Variants in PPFIA2 observed in about 807,000 individuals in gnomAD.
PPFIA2 encodes the protein PPFI scaffold protein A2.
A neutral mutation model predicts 175.5 loss-of-function variants in PPFIA2; 46 were observed. That is an observed-to-expected ratio of 0.26 (90% CI 0.21 to 0.34). The LOEUF is 0.34. Ranked by LOEUF, PPFIA2 falls within the 10% of genes least tolerant of loss-of-function variation. The probability of loss-of-function intolerance (pLI) is 1.00; values close to 1 mark genes in which losing one functional copy is unlikely to be tolerated. For missense variants in PPFIA2, 1,179 were observed against 1,506.1 expected, an observed-to-expected ratio of 0.78 and a Z score of 3.60; for synonymous variants, 568 against 511.4, an observed-to-expected ratio of 1.11 and a Z score of -1.49.
At chr12:81,655,629 A>C (rs2067676400) in intron 4 of PPFIA2, among the ~76,000 whole-genome samples, 1 of 151,914 alleles carries the variant, frequency 6.6e-6, no homozygotes, top group Non-Finnish European at 1.5e-5. Flanking sequence ...TTTCATGTTT[A>C]GTGTTAACTA....
At chr12:81,662,954 CAT>C (rs1317486200) in intron 4 of PPFIA2, among the ~76,000 whole-genome samples, 1 of 152,172 alleles carries the variant, frequency 6.6e-6, no homozygotes, top group South Asian at 2.1e-4. Context: ...ACAAAAACCA[CAT>C]GATTATCTCA....
chr12:81,360,167 T>C (rs1485074169), intron 15 of PPFIA2, among the ~76,000 whole-genome samples: 1 of 151,912 alleles, frequency 6.6e-6, no homozygotes, highest in East Asian at 1.9e-4. Context: ...ATCTCTCTCC[T>C]CTTTTTTCCA....
intron 4 of PPFIA2, among the ~76,000 whole-genome samples, chr12:81,605,418 G>A (rs2060189767): frequency 6.6e-6 from 1 of 151,728 alleles, no homozygotes; most frequent in Non-Finnish European, 1.5e-5. Context: ...AGAGAGAAAA[G>A]GGAGAGGAGA....
chr12:81,534,752 A>T (rs970356652), intron 4 of PPFIA2, among the ~76,000 whole-genome samples: 14 of 151,766 alleles, frequency 9.2e-5, no homozygotes, highest in African/African-American at 3.4e-4. Context: ...AAGTGAGAGC[A>T]GATAAAGTAA....
At chr12:81,474,644 A>G (rs1003286244) in intron 4 of PPFIA2, among the ~76,000 whole-genome samples, 1 of 152,190 alleles carries the variant, frequency 6.6e-6, no homozygotes, top group Non-Finnish European at 1.5e-5. Flanking sequence ...TTGTAAATAC[A>G]TACTAGCACC....
intron 21 of PPFIA2, among the ~76,000 whole-genome samples, chr12:81,329,086 G>A (rs1403134659): frequency 6.6e-6 from 1 of 152,022 alleles, no homozygotes; most frequent in Non-Finnish European, 1.5e-5. Flanking sequence ...TTACAGATGT[G>A]AGCCACCATG....
At chr12:81,696,690 T>G (rs2075932950) in intron 3 of PPFIA2, among the ~76,000 whole-genome samples, 1 of 152,102 alleles carries the variant, frequency 6.6e-6, no homozygotes, top group South Asian at 2.1e-4. Flanking sequence ...TGCTATGTTT[T>G]CAGTTGTTCA....
chr12:81,652,084 A>G (rs1286452024), intron 4 of PPFIA2, among the ~76,000 whole-genome samples: 1 of 151,512 alleles, frequency 6.6e-6, no homozygotes, highest in Non-Finnish European at 1.5e-5. Flanking sequence ...GATCTTTTCT[A>G]GTTCTACATT....
In PPFIA2 at chr12:81,731,465, C is replaced by G. The variant is rs377550720; in HGVS notation, c.249+22508G>C. ...TTCAGTGGGTTAAGGTAACTTGAAA[C>G]CCAAACTTCAAACATTGCGAGCAAA... On this transcript the variant is annotated intron_variant, in intron 3 of 32. Transcript: ENST00000549396. 5.9e-5 allele frequency among the ~76,000 whole-genome samples: 9 copies of G among 151,648 alleles called. No individual in the cohort carries two copies. In the East Asian group the frequency reaches 1.4e-3, roughly 23 times the overall value.
intron 4 of PPFIA2, among the ~76,000 whole-genome samples, chr12:81,531,651 T>C (rs1356640907): frequency 2.0e-5 from 3 of 151,166 alleles, no homozygotes; most frequent in Admixed American, 1.3e-4. Context: ...AGATACGAGA[T>C]AGAACGGAAG....
chr12:81,313,156 A>G (rs1267484364), intron 22 of PPFIA2, among the ~76,000 whole-genome samples: 1 of 152,134 alleles, frequency 6.6e-6, no homozygotes, highest in Non-Finnish European at 1.5e-5. Flanking sequence ...GGCATTGAGA[A>G]AATATGGAAG....
intron 4 of PPFIA2, among the ~76,000 whole-genome samples, chr12:81,588,395 C>G (rs1219236974): frequency 1.3e-5 from 2 of 151,906 alleles, no homozygotes; most frequent in Non-Finnish European, 2.9e-5. Flanking sequence ...TCCAGCCCCA[C>G]CCTACTCCCA....
chr12:81,502,929 C>T (rs972605900), intron 4 of PPFIA2, among the ~76,000 whole-genome samples: 6 of 152,044 alleles, frequency 3.9e-5, no homozygotes, highest in African/African-American at 1.2e-4. Flanking sequence ...TGGAATGCCT[C>T]CTCTAGGACA....
chr12:81,548,796 G>T (rs1408332342), intron 4 of PPFIA2, among the ~76,000 whole-genome samples: 1 of 152,010 alleles, frequency 6.6e-6, no homozygotes, highest in Non-Finnish European at 1.5e-5. Context: ...AAATCCAAAA[G>T]AATGCAACAC....
At chr12:81,355,782 T>C (rs1462199515) in intron 16 of PPFIA2, among the ~76,000 whole-genome samples, 2 of 152,224 alleles carry the variant, frequency 1.3e-5, no homozygotes, top group Non-Finnish European at 2.9e-5. Flanking sequence ...TCAGTCTTCA[T>C]ATAAATGAGG....
At chr12:81,547,009 C>A (rs999594296) in intron 4 of PPFIA2, among the ~76,000 whole-genome samples, 1 of 152,012 alleles carries the variant, frequency 6.6e-6, no homozygotes, top group African/African-American at 2.4e-5. Flanking sequence ...CAGTGAGAAG[C>A]GTGGCAGATG....
At chr12:81,334,212 A>G (rs2056685605) in intron 21 of PPFIA2, among the ~76,000 whole-genome samples, 1 of 152,208 alleles carries the variant, frequency 6.6e-6, no homozygotes, top group Non-Finnish European at 1.5e-5. Context: ...GTTCATAGCC[A>G]CTGTTCCTAG....
At chr12:81,426,079 G>A (rs1025304819) in intron 7 of PPFIA2, among the ~76,000 whole-genome samples, 1 of 152,152 alleles carries the variant, frequency 6.6e-6, no homozygotes, top group Non-Finnish European at 1.5e-5. Flanking sequence ...AGTTATGCCA[G>A]TTTGACCAAC....
chr12:81,741,048 G>T (rs372622831), intron 3 of PPFIA2, among the ~76,000 whole-genome samples: 16 of 152,010 alleles, frequency 1.1e-4, no homozygotes, highest in South Asian at 8.3e-4. Context: ...AAAACATGAA[G>T]AATGTGAAAA....
Sources: allele counts gnomAD v4.1 joint callset (sites outside exome capture counted in the v4.1 genomes callset), GRCh38; gene constraint gnomAD v4.1.1; transcripts MANE v1.5; gene names NCBI Gene and HGNC (gene_info 2026-07-23, HGNC 2026-07-21).